The following COL23A1 variants were observed in gnomAD, a reference collection of about 807,000 sequenced individuals.
COL23A1 encodes the protein collagen type XXIII alpha 1 chain, also known as collagen alpha-1(XXIII) chain.
Under a neutral mutation model 99.3 loss-of-function variants are expected in COL23A1, and 97 were observed. The observed-to-expected ratio is 0.98, with a 90% CI of 0.83 to 1.16. The LOEUF is 1.16. COL23A1 is among the 50% of genes most tolerant of loss of function. The probability of loss-of-function intolerance (pLI) is 0.00; values close to 1 mark genes in which losing one functional copy is unlikely to be tolerated. For synonymous variants in COL23A1, 320 were observed against 308.2 expected (o/e 1.04, Z -0.40); for missense variants, 762 against 757.4 (o/e 1.01, Z -0.07).
rs565146301 is a variant in COL23A1, at chr5:178,336,456, A to T, written c.362-29537T>A. On this transcript the variant is annotated intron_variant, in intron 2 of 28. Coordinates refer to ENST00000390654, the MANE Select transcript of COL23A1 (RefSeq NM_173465.4). ...TGCTATGACATGGATAAACCCTGAA[A>T]GCATTGTGCTAAGTGAATGAAGCCA... 1.3e-4 allele frequency among the ~76,000 whole-genome samples: 20 copies of T among 152,388 alleles called. No individual in the cohort carries two copies. In the South Asian group the frequency reaches 3.5e-3, roughly 27 times the overall value.
intron 2 of COL23A1, among the ~76,000 whole-genome samples, chr5:178,504,673 G>A (rs955623222): frequency 5.9e-5 from 9 of 152,214 alleles, no homozygotes; most frequent in African/African-American, 1.7e-4. Context: ...GCTGGTCCCC[G>A]CTGAGAGAAG....
chr5:178,520,778 C>G (rs1052889631), intron 2 of COL23A1, among the ~76,000 whole-genome samples: 1 of 152,148 alleles, frequency 6.6e-6, no homozygotes, highest in African/African-American at 2.4e-5. Flanking sequence ...ACTCTGTGCA[C>G]GACCCCAGCA....
intron 2 of COL23A1, among the ~76,000 whole-genome samples, chr5:178,445,108 T>C (rs1435701647): frequency 2.0e-5 from 3 of 152,244 alleles, no homozygotes; most frequent in Admixed American, 2.0e-4. Flanking sequence ...ATAATACATG[T>C]GATCCAAGTA....
At chr5:178,476,096 T>C (rs1186279481) in intron 2 of COL23A1, among the ~76,000 whole-genome samples, 5 of 152,266 alleles carry the variant, frequency 3.3e-5, no homozygotes, top group African/African-American at 1.2e-4. Flanking sequence ...TGTTGAATTC[T>C]GATTAGCCCT....
At chr5:178,446,399 A>T (rs1767160827) in intron 2 of COL23A1, among the ~76,000 whole-genome samples, 1 of 152,002 alleles carries the variant, frequency 6.6e-6, no homozygotes, top group African/African-American at 2.4e-5. Context: ...ACATATTTTT[A>T]AAAATTCAGA....
intron 7 of COL23A1, 60 bp from the exon 8 acceptor site, chr5:178,267,393 C>T (rs2081871): frequency 6.4e-6 from 10 of 1,568,932 alleles, no homozygotes; most frequent in East Asian, 2.2e-5. Context: ...TCACATTTCC[C>T]GTCGGGCATC....
chr5:178,380,202 A>G (rs1044792854), intron 2 of COL23A1, among the ~76,000 whole-genome samples: 2 of 152,192 alleles, frequency 1.3e-5, no homozygotes, highest in African/African-American at 4.8e-5. Context: ...TGGAAAGTCA[A>G]TGGGTCAATT....
chr5:178,469,174 CT>C (rs1406019466), intron 2 of COL23A1, among the ~76,000 whole-genome samples: 1 of 152,186 alleles, frequency 6.6e-6, no homozygotes, highest in Non-Finnish European at 1.5e-5. Context: ...TTGCTCCTAC[CT>C]TTTGGCTACT....
chr5:178,514,298 G>A (rs1759381707), intron 2 of COL23A1, among the ~76,000 whole-genome samples: 2 of 152,168 alleles, frequency 1.3e-5, no homozygotes, highest in African/African-American at 4.8e-5. Context: ...AGCACAGACC[G>A]CTTATCCCTT....
At chr5:178,454,979 C>T (rs951599220) in intron 2 of COL23A1, among the ~76,000 whole-genome samples, 1 of 152,230 alleles carries the variant, frequency 6.6e-6, no homozygotes, top group Admixed American at 6.5e-5. Flanking sequence ...CGCCTGCCAT[C>T]CTTGGTGTCC....
intron 1 of COL23A1, among the ~76,000 whole-genome samples, chr5:178,565,720 A>G (rs929192041): frequency 1.3e-5 from 2 of 152,252 alleles, no homozygotes; most frequent in South Asian, 4.1e-4. Context: ...AGACAGAAAG[A>G]GAAGTGTCAG....
At chr5:178,301,745 C>G (rs569159926) in intron 3 of COL23A1, among the ~76,000 whole-genome samples, 1 of 152,384 alleles carries the variant, frequency 6.6e-6, no homozygotes, top group South Asian at 2.1e-4. Flanking sequence ...CCAACGTCTC[C>G]CACTCTGTGC....
rs73346901 is a variant in COL23A1, at chr5:178,356,509, A to C, written c.362-49590T>G. The stretch of plus-strand genomic sequence containing the variant: ...TCGACTGCCTCAGGAGAGGGGCCTG[A>C]GCCCTGGAGGCAGGGGTGGGAGGAG... On this transcript the variant is annotated intron_variant, in intron 2 of 28. Coordinates refer to ENST00000390654, the MANE Select transcript of COL23A1 (RefSeq NM_173465.4). Among the ~76,000 whole-genome samples, 1,163 of 152,296 alleles carry C rather than the reference A, an allele frequency of 7.6e-3. 15 individuals carry two copies. Among genetic ancestry groups the C allele is most frequent in the African/African-American group, 0.024 (1,008 of 41,562 alleles).
intron 5 of COL23A1, among the ~76,000 whole-genome samples, chr5:178,285,246 C>T (rs1482046039): frequency 6.6e-6 from 1 of 152,004 alleles, no homozygotes; most frequent in Non-Finnish European, 1.5e-5. Flanking sequence ...CTGAGTTAAT[C>T]CAGAAAAGCA....
intron 2 of COL23A1, among the ~76,000 whole-genome samples, chr5:178,457,078 A>G (rs1319556753): frequency 1.3e-5 from 2 of 152,214 alleles, no homozygotes; most frequent in African/African-American, 2.4e-5. Context: ...CTTGTTCCAA[A>G]AAAGGTGTGG....
At chr5:178,358,384 T>C (rs1354021055) in intron 2 of COL23A1, among the ~76,000 whole-genome samples, 1 of 142,156 alleles carries the variant, frequency 7.0e-6, no homozygotes, top group East Asian at 2.0e-4. Context: ...GTATGTCTAA[T>C]GTGTGTATGT....
chr5:178,515,893 G>A (rs926683047), intron 2 of COL23A1, among the ~76,000 whole-genome samples: 1 of 152,022 alleles, frequency 6.6e-6, no homozygotes, highest in Non-Finnish European at 1.5e-5. Flanking sequence ...CTGCTGGATG[G>A]AGTTGGACCC....
At chr5:178,507,270 A>C (rs1359215987) in intron 2 of COL23A1, among the ~76,000 whole-genome samples, 2 of 152,088 alleles carry the variant, frequency 1.3e-5, no homozygotes, top group Non-Finnish European at 2.9e-5. Flanking sequence ...GCCCCACACA[A>C]CACCACAGAG....
intron 2 of COL23A1, among the ~76,000 whole-genome samples, chr5:178,496,682 A>G (rs1395645497): frequency 6.6e-6 from 1 of 152,228 alleles, no homozygotes; most frequent in Non-Finnish European, 1.5e-5. Context: ...AAGAGGAGGA[A>G]GCCCATTCTA....
Sources: gnomAD v4.1 joint callset for allele counts (sites outside exome capture counted in the v4.1 genomes callset) on GRCh38, gnomAD v4.1.1 for gene constraint, MANE v1.5 for transcripts, NCBI Gene and HGNC (gene_info 2026-07-23, HGNC 2026-07-21) for gene names.